INSL6: variants seen among roughly 807,000 people sequenced by gnomAD.
INSL6 encodes insulin like 6.
Under a neutral mutation model 9.4 loss-of-function variants are expected in INSL6, and 16 were observed. The observed-to-expected ratio is 1.70, with a 90% CI of 1.15 to 2.59. The LOEUF (loss-of-function observed/expected upper bound fraction) is 2.59. INSL6 is among the 30% of genes most tolerant of loss of function. The pLI is 0.00. For missense variants in INSL6, 391 were observed against 257.3 expected (o/e 1.52, Z -3.56); for synonymous variants, 154 against 96.9 (o/e 1.59, Z -3.46).
the INSL6 span, chr9:5,114,191 C>T: frequency 2.1e-6 from 1 of 465,748 alleles, no homozygotes. Flanking sequence ...AAGGGGTGAG[C>T]ACCTACCTGA....
chr9:5,140,957 C>T (rs575521417), intron 2 of INSL6, among the ~76,000 whole-genome samples: 11 of 152,088 alleles, frequency 7.2e-5, no homozygotes, highest in African/African-American at 2.7e-4. Flanking sequence ...TGAGAACATG[C>T]GGTATATGGT....
the INSL6 span, chr9:5,069,860 C>G: frequency 9.3e-7 from 1 of 1,080,138 alleles, no homozygotes; most frequent in Admixed American, 2.7e-5. Flanking sequence ...CATTTTACTC[C>G]TCTTTGGAGC....
the INSL6 span, chr9:5,054,889 T>A: frequency 6.4e-7 from 1 of 1,555,690 alleles, no homozygotes; most frequent in Admixed American, 1.9e-5. The surrounding 1 kb of genome is among the most constrained non-coding windows in gnomAD (Gnocchi z 4.9). Context: ...GAACAGGTAA[T>A]CCTTAATGAT....
At chr9:5,007,231 G>C in the INSL6 span, among the ~76,000 whole-genome samples, 1 of 151,968 alleles carries the variant, frequency 6.6e-6, no homozygotes, top group Non-Finnish European at 1.5e-5. Context: ...CTCGTCTTGT[G>C]TATGAATTTA....
chr9:5,080,564 T>C, the INSL6 span: 1 of 1,598,588 alleles, frequency 6.3e-7, no homozygotes, highest in Non-Finnish European at 8.5e-7. Context: ...AGGCATCAGC[T>C]TCCTGCACCA....
the INSL6 span, among the ~76,000 whole-genome samples, chr9:5,088,737 G>T: frequency 6.6e-6 from 1 of 152,188 alleles, no homozygotes; most frequent in South Asian, 2.1e-4. Flanking sequence ...TTCTTGGCTT[G>T]CAGATGGCCA....
At chr9:5,021,728 C>G in the INSL6 span, among the ~76,000 whole-genome samples, 1 of 152,256 alleles carries the variant, frequency 6.6e-6, no homozygotes, top group Admixed American at 6.5e-5. Flanking sequence ...CAGGTTCAAG[C>G]AATTCTTCCG....
chr9:5,044,390 T>C, the INSL6 span: 181 of 1,549,598 alleles, frequency 1.2e-4, 2 homozygotes, highest in East Asian at 3.9e-3. Context: ...CAAATGTTTT[T>C]ATTATCTTGT....
the INSL6 span, chr9:5,072,406 A>T: frequency 1.5e-4 from 154 of 1,002,418 alleles, no homozygotes; most frequent in East Asian, 4.0e-3. Context: ...GATTTAAAAA[A>T]ATTCTTCCTC....
intron 3 of INSL6, chr9:5,127,298 T>C (rs1824064900): frequency 8.6e-6 from 2 of 232,172 alleles, no homozygotes; most frequent in Non-Finnish European, 1.7e-5. Context: ...TACAAACAAA[T>C]TAAGATGTTC....
At chr9:5,113,707 G>A in the INSL6 span, 16,100 of 165,556 alleles carry the variant, frequency 0.097, 2,689 homozygotes, top group African/African-American at 0.36. Context: ...GGAGCGCTGG[G>A]ACCTTCCCAG....
chr9:5,118,845 A>C, the INSL6 span, among the ~76,000 whole-genome samples: 16 of 152,214 alleles, frequency 1.1e-4, no homozygotes, highest in Non-Finnish European at 2.2e-4. Flanking sequence ...TTTCAATTTT[A>C]TTAAAAGCAG....
chr9:5,128,608 T>C (rs1586851352), intron 3 of INSL6, among the ~76,000 whole-genome samples: 1 of 151,920 alleles, frequency 6.6e-6, no homozygotes, highest in African/African-American at 2.4e-5. Context: ...TTCTTAAACA[T>C]TTTTTTAAAT....
Position 5,185,372 on chromosome 9 carries a change from T to C in INSL6, c.231A>G (p.Pro77=), listed in dbSNP as rs771153691. Reference sequence around the variant, plus strand: ...CGGTTTGCGGGCTTTCGAACTGGTATGGGCTGTAGGCTTCGACCTTCTCCG... The same window carrying C: ...CGGTTTGCGGGCTTTCGAACTGGTACGGGCTGTAGGCTTCGACCTTCTCCG... ...QASEKVEAYS[P]YQFESPQTAS... is the part of the protein sequence containing the mutation. Residue 77 remains proline (P), a synonymous_variant, in exon 1 of 2, where the codon CCA becomes CCG. Transcript: ENST00000381641. 1.8e-5 allele frequency: 29 copies of C among 1,614,034 alleles called. No individual in the cohort carries two copies. The highest frequency in any genetic ancestry group is 1.6e-4 in the Middle Eastern group (1 of 6,084).
At chr9:5,161,217 C>T (rs1479748356), downstream of INSL6, among the ~76,000 whole-genome samples, 1 of 152,108 alleles carries the variant, frequency 6.6e-6, no homozygotes, top group Non-Finnish European at 1.5e-5. Context: ...CGCAACAACA[C>T]ATTAAAAAAT....
At chr9:5,124,623 A>G (rs1202692141) in intron 3 of INSL6, among the ~76,000 whole-genome samples, 1 of 151,916 alleles carries the variant, frequency 6.6e-6, no homozygotes. Flanking sequence ...AAAAAGAACA[A>G]AGCTGGAAGC....
chr9:5,167,317 C>G (rs1825077503), intron 1 of INSL6, among the ~76,000 whole-genome samples: 1 of 152,208 alleles, frequency 6.6e-6, no homozygotes. Context: ...TTAAGCTATG[C>G]AGACTGATGG....
chr9:5,020,583 G>C, the INSL6 span, among the ~76,000 whole-genome samples: 2 of 152,158 alleles, frequency 1.3e-5, no homozygotes, highest in Non-Finnish European at 2.9e-5. Context: ...GTGCACTGCA[G>C]CTGCAGGTGG....
the INSL6 span, chr9:5,112,519 G>A: frequency 0.18 from 100,757 of 575,380 alleles, 9,628 homozygotes; most frequent in Middle Eastern, 0.19. Context: ...TTTCCCCCCA[G>A]AGCAGAAGGC....
Sources: allele counts gnomAD v4.1 joint callset (sites outside exome capture counted in the v4.1 genomes callset), GRCh38; gene constraint gnomAD v4.1.1; non-coding constraint Gnocchi (gnomAD v3.1); transcripts MANE v1.5; gene names NCBI Gene and HGNC (gene_info 2026-07-23, HGNC 2026-07-21).